TBC1D1: variants seen among roughly 807,000 people sequenced by gnomAD.
TBC1D1 encodes the protein TBC1 domain family member 1, also known as TBC1 (tre-2/USP6, BUB2, cdc16) domain family, member 1.
A neutral mutation model predicts 125.6 loss-of-function variants in TBC1D1; 89 were observed. That is an observed-to-expected ratio of 0.71 (90% CI 0.60 to 0.85). TBC1D1 has a LOEUF of 0.85. Ranked by LOEUF, TBC1D1 falls within the 40% of genes least tolerant of loss-of-function variation. The pLI is 0.00. For synonymous variants in TBC1D1, 565 were observed against 564.1 expected (o/e 1.00, Z -0.02); for missense variants, 1,377 against 1,469.2 (o/e 0.94, Z 1.03).
intron 2 of TBC1D1, among the ~76,000 whole-genome samples, chr4:37,940,098 A>T: frequency 6.6e-6 from 1 of 152,216 alleles, no homozygotes. Context: ...CATTGAATCT[A>T]TAAATTACCT....
intron 12 of TBC1D1, among the ~76,000 whole-genome samples, chr4:38,076,798 G>GA (rs1248101935): frequency 6.6e-6 from 1 of 151,164 alleles, no homozygotes; most frequent in South Asian, 2.1e-4. Context: ...TTTTCAGGAG[G>GA]AAAAAAAACC....
At chr4:38,124,507 A>G (rs1764336722) in intron 17 of TBC1D1, among the ~76,000 whole-genome samples, 2 of 152,254 alleles carry the variant, frequency 1.3e-5, no homozygotes, top group Admixed American at 6.5e-5. Context: ...GCTGTTGTAC[A>G]GTTTTTAAAG....
chr4:37,946,234 A>G (rs1015114604), intron 2 of TBC1D1, among the ~76,000 whole-genome samples: 1 of 152,220 alleles, frequency 6.6e-6, no homozygotes, highest in Non-Finnish European at 1.5e-5. Context: ...AATTACAGTT[A>G]CCTAGGAGGA....
intron 7 of TBC1D1, among the ~76,000 whole-genome samples, chr4:38,033,940 C>T (rs189233837): frequency 1.3e-5 from 2 of 152,158 alleles, no homozygotes; most frequent in Admixed American, 6.5e-5. Context: ...ATTTGCCGAT[C>T]GATGCACATC....
At chr4:38,115,525 T>C (rs1330667384) in intron 15 of TBC1D1, among the ~76,000 whole-genome samples, 185 bp from the exon 18 acceptor site, 1 of 152,222 alleles carries the variant, frequency 6.6e-6, no homozygotes, top group African/African-American at 2.4e-5. Flanking sequence ...TGATTTTTAA[T>C]TGAAAGCATT....
chr4:37,901,456 C>T (rs1365834495), intron 1 of TBC1D1, among the ~76,000 whole-genome samples: 1 of 152,136 alleles, frequency 6.6e-6, no homozygotes, highest in Non-Finnish European at 1.5e-5. Context: ...TGCACCTGGC[C>T]TAACATTGAT....
At chr4:38,065,360 A>T (rs1005848423) in intron 12 of TBC1D1, among the ~76,000 whole-genome samples, 1 of 152,154 alleles carries the variant, frequency 6.6e-6, no homozygotes, top group East Asian at 1.9e-4. Context: ...GATGCTGGAG[A>T]TGAATTATCT....
intron 12 of TBC1D1, among the ~76,000 whole-genome samples, chr4:38,068,725 T>A (rs906334462): frequency 2.0e-5 from 3 of 152,218 alleles, no homozygotes; most frequent in African/African-American, 7.2e-5. Context: ...AAGAGCCACA[T>A]GTGGCTACCG....
chr4:37,996,960 G>A (rs1206463218), intron 2 of TBC1D1, among the ~76,000 whole-genome samples: 9 of 152,216 alleles, frequency 5.9e-5, no homozygotes, highest in Admixed American at 5.9e-4. Flanking sequence ...GGCTTTTTAA[G>A]ATTTGGACAA....
chr4:37,995,995 G>T lies in TBC1D1; in HGVS notation c.418-18514G>T. ...TCTGTTTCTACCTCATCCTTGGGTG[G>T]GGGTTCTGGGATGGGGATGTCCAGT... On this transcript the variant is annotated intron_variant, in intron 2 of 19. Coordinates refer to ENST00000261439, the MANE Select transcript of TBC1D1 (RefSeq NM_015173.4). The surrounding 1 kb of genome is among the most constrained non-coding windows in gnomAD (Gnocchi z 4.3). 1 of 530,620 alleles carries T rather than the reference G, an allele frequency of 1.9e-6. No homozygotes were observed. The highest frequency in any genetic ancestry group is 3.8e-6 in the Non-Finnish European group (1 of 264,430). The allele number at this position is 530,620 out of a possible 1,614,324, so 32.9% of individuals were successfully genotyped here.
At chr4:38,009,998 A>G (rs1261825499) in intron 2 of TBC1D1, among the ~76,000 whole-genome samples, 1 of 152,204 alleles carries the variant, frequency 6.6e-6, no homozygotes, top group Non-Finnish European at 1.5e-5. Flanking sequence ...CTAAAAAAAG[A>G]TTTTCACTAA....
intron 2 of TBC1D1, among the ~76,000 whole-genome samples, chr4:37,903,384 T>C (rs904781099): frequency 1.3e-5 from 2 of 152,224 alleles, no homozygotes; most frequent in African/African-American, 4.8e-5. Context: ...CTTTCTCAGT[T>C]GGGCTCAGGG....
chr4:37,973,835 C>T (rs1171341791), intron 2 of TBC1D1, among the ~76,000 whole-genome samples: 1 of 152,204 alleles, frequency 6.6e-6, no homozygotes, highest in East Asian at 1.9e-4. Flanking sequence ...ATCTCATCTA[C>T]TAGTGCTTCT....
intron 2 of TBC1D1, among the ~76,000 whole-genome samples, chr4:37,914,746 A>G (rs1719354898): frequency 6.6e-6 from 1 of 151,910 alleles, no homozygotes; most frequent in African/African-American, 2.4e-5. Flanking sequence ...TGCTCTCTGG[A>G]CTCCAGCCAC....
chr4:38,080,425 G>A (rs1425034408), intron 12 of TBC1D1, among the ~76,000 whole-genome samples: 3 of 152,204 alleles, frequency 2.0e-5, no homozygotes, highest in African/African-American at 7.2e-5. Context: ...GGTCAGGATG[G>A]TGGCCTTGCC....
At chr4:38,064,354 G>C (rs985064332) in intron 12 of TBC1D1, among the ~76,000 whole-genome samples, 1 of 152,014 alleles carries the variant, frequency 6.6e-6, no homozygotes, top group Non-Finnish European at 1.5e-5. Flanking sequence ...CCTCCAGGGG[G>C]GCCTTACCTG....
intron 6 of TBC1D1, among the ~76,000 whole-genome samples, chr4:38,027,148 C>T (rs1411175967): frequency 6.6e-6 from 1 of 152,188 alleles, no homozygotes; most frequent in African/African-American, 2.4e-5. Flanking sequence ...AATTATTGGT[C>T]TGTGGAATGA....
In TBC1D1 at chr4:37,992,761, G is replaced by A. The variant is rs1361469966; in HGVS notation, c.418-21748G>A. On this transcript the variant is annotated intron_variant, in intron 2 of 19. Coordinates refer to ENST00000261439, the MANE Select transcript of TBC1D1 (RefSeq NM_015173.4). ...GCCCGCCTCGGCCTCCCAAAGTGCTGGGATTACAGGTGTGAGCCACCATGC... is the reference window on the plus strand; with the variant it reads ...GCCCGCCTCGGCCTCCCAAAGTGCTAGGATTACAGGTGTGAGCCACCATGC... Among the ~76,000 whole-genome samples the A allele has an allele frequency of 2.0e-5, 3 of 151,272 alleles. No individual in the cohort carries two copies. In the South Asian group the frequency reaches 6.3e-4, roughly 32 times the overall value.
chr4:37,996,042 C>T, intron 2 of TBC1D1: 1 of 514,674 alleles, frequency 1.9e-6, no homozygotes. Flanking sequence ...GGAGGTCAGG[C>T]AGCTACAATG....
Sources: allele counts gnomAD v4.1 joint callset (sites outside exome capture counted in the v4.1 genomes callset), GRCh38; gene constraint gnomAD v4.1.1; non-coding constraint Gnocchi (gnomAD v3.1); transcripts MANE v1.5; gene names NCBI Gene and HGNC (gene_info 2026-07-23, HGNC 2026-07-21).